The following LOXHD1 variants were observed in gnomAD, a reference collection of about 807,000 sequenced individuals.
LOXHD1 encodes lipoxygenase homology PLAT domains 1.
Under a neutral mutation model 248.2 loss-of-function variants are expected in LOXHD1, and 205 were observed. The observed-to-expected ratio is 0.83, with a 90% CI of 0.74 to 0.93. The LOEUF (loss-of-function observed/expected upper bound fraction) is 0.93, where lower values mean the gene tolerates loss of function less well. Ranked by LOEUF, LOXHD1 falls within the 40% of genes least tolerant of loss-of-function variation. The probability of loss-of-function intolerance (pLI) is 0.00; values close to 1 mark genes in which losing one functional copy is unlikely to be tolerated. For synonymous variants in LOXHD1, 1,113 were observed against 1,162.8 expected (o/e 0.96, Z 0.87); for missense variants, 2,930 against 2,971.6 (o/e 0.99, Z 0.33).
In LOXHD1 at chr18:46,477,692, C is replaced by T. The variant is rs1287819211; in HGVS notation, c.6602G>A (p.Gly2201Asp). Reference protein sequence around the residue: ...KQKMRNLFERGSTDRFFLETL... With the variant: ...KQKMRNLFERDSTDRFFLETL... ...CTCCAGGAAGAAGCGGTCTGTGCTG[C>T]CCCGCTCGAAGAGGTTGCGCATTTT... The change falls in exon 41 of 41, where the codon GGC becomes GAC. Residue 2201 changes from glycine (G) to aspartate (D), a missense_variant. Physicochemically the swap from Gly to Asp is moderately conservative, Grantham distance 94. Coordinates refer to ENST00000642948, the MANE Select transcript of LOXHD1 (RefSeq NM_001384474.1). The T allele has an allele frequency of 1.3e-6, 2 of 1,551,874 alleles. No individual in the cohort carries two copies. The highest frequency in any genetic ancestry group is 1.2e-5 in the South Asian group (1 of 84,062).
In LOXHD1 at chr18:46,642,006, G is replaced by A. The variant is rs373961375; in HGVS notation, c.276C>T (p.Val92=). The change falls in exon 3 of 41, where the codon GTC becomes GTT. Residue 92 remains valine, a synonymous_variant. Transcript: ENST00000642948. ...TGTTGGTTCTCACCCGGAACACATCGACGTTGCCCTTCTCAAAGGCAGACT... is the reference window on the plus strand; with the variant it reads ...TGTTGGTTCTCACCCGGAACACATCAACGTTGCCCTTCTCAAAGGCAGACT... ...KSKSAFEKGN[V]DVFRVRTNNV... The A allele has an allele frequency of 8.4e-6, 13 of 1,552,196 alleles. No individual in the cohort carries two copies. The highest frequency in any genetic ancestry group is 1.7e-4 in the Middle Eastern group (1 of 6,018).
intron 8 of LOXHD1, among the ~76,000 whole-genome samples, chr18:46,596,556 C>T (rs1048606024): frequency 6.6e-6 from 1 of 152,170 alleles, no homozygotes; most frequent in Non-Finnish European, 1.5e-5. Flanking sequence ...TGAAGGACTG[C>T]TCCTTTAGAC....
At chr18:46,584,213 A>G (rs1443730649) in intron 12 of LOXHD1, among the ~76,000 whole-genome samples, 1 of 152,146 alleles carries the variant, frequency 6.6e-6, no homozygotes, top group Non-Finnish European at 1.5e-5. Context: ...AAGAGTAGTT[A>G]CAAGAGACTG....
In LOXHD1 at chr18:46,609,900, G is replaced by C. The variant is rs148205237; in HGVS notation, c.759+876C>G. Among the ~76,000 whole-genome samples, 333 of 152,300 alleles carry C rather than the reference G, an allele frequency of 2.2e-3. 1 individual carries two copies. The highest frequency in any genetic ancestry group is 7.7e-3 in the African/African-American group (318 of 41,550). On this transcript the variant is annotated intron_variant, in intron 6 of 40. Coordinates refer to ENST00000642948, the MANE Select transcript of LOXHD1 (RefSeq NM_001384474.1). ...CAAGGCCAGATAGAGCCAGGGACAC[G>C]AGCTTTCTTTACAAACTTTGAATGG...
At position 46,618,249 on chromosome 18, in the gene LOXHD1, C is replaced by A. The variant is rs758513799; in HGVS notation, c.553G>T (p.Gly185Cys). 2.6e-6 allele frequency: 4 copies of A among 1,551,348 alleles called. No individual in the cohort carries two copies. Among genetic ancestry groups the A allele is most frequent in the Middle Eastern group, 1.7e-4 (1 of 6,014 alleles). ...EVKVYTGDVIGAGTDADVFIN... is the reference protein window; with the variant it reads ...EVKVYTGDVICAGTDADVFIN... ...AAGACATCAGCATCTGTCCCTGCACCAATTACATCACCAGTGTATACCTTG... is the reference window on the plus strand; with the variant it reads ...AAGACATCAGCATCTGTCCCTGCACAAATTACATCACCAGTGTATACCTTG... The change falls in exon 5 of 41, where the codon GGT becomes TGT. Residue 185 changes from glycine to cysteine, a missense_variant. Transcript: ENST00000642948.
rs2032754448 is a variant in LOXHD1 at position 46,483,472 on chromosome 18, T to C, written c.6341+115A>G. On this transcript the variant is annotated intron_variant, in intron 40 of 40. Transcript: ENST00000642948. ...CTTCTAGGCCTCCTGAACAGGGTAA[T>C]CTTGACCTTGAAGAAGAGACCTCAT... 6.2e-6 allele frequency: 8 copies of C among 1,296,386 alleles called. No homozygotes were observed. The South Asian group carries it at 1.0e-4, about 17-fold the overall frequency. 80.3% of individuals were successfully genotyped at this position (1,296,386 alleles called of 1,614,324 possible). A position where few individuals can be genotyped will look rare whatever the true frequency, so the allele number is the denominator to read the frequency against.
chr18:46,657,126 C>T lies in LOXHD1; in HGVS notation c.-93G>A, dbSNP rs1283310793. On this transcript the variant is annotated 5_prime_UTR_variant, in exon 1 of 41. Coordinates refer to ENST00000642948, the MANE Select transcript of LOXHD1 (RefSeq NM_001384474.1). ...GAGACCTCCTCCCTGAGCTCTGGCG[C>T]CCACGGCCCTCCTATAGCTCAGGCC... 1 of 1,541,684 alleles carries T rather than the reference C, an allele frequency of 6.5e-7. No individual in the cohort carries two copies.
intron 12 of LOXHD1, among the ~76,000 whole-genome samples, chr18:46,584,975 T>C (rs182502177): frequency 1.8e-4 from 27 of 152,216 alleles, no homozygotes; most frequent in Admixed American, 1.8e-3. Flanking sequence ...CATTATTATC[T>C]CAATAAATGT....
intron 40 of LOXHD1, 93 bp from the exon 41 acceptor site, chr18:46,478,045 T>A: frequency 6.9e-7 from 1 of 1,445,992 alleles, no homozygotes; most frequent in Non-Finnish European, 9.2e-7. Flanking sequence ...CATCTATAAA[T>A]GATCCCTTCC....
chr18:46,649,147 G>C lies in LOXHD1; in HGVS notation c.245+8C>G, dbSNP rs1287106510. ...CCAGGATCCCACCAAGGCCAAGTGG[G>C]TACTCACTTGCTGGTGAGCTGGAGC... On this transcript the variant is annotated splice_region_variant and intron_variant, in intron 2 of 40. Transcript: ENST00000642948. 1 of 1,549,768 alleles carries C rather than the reference G, an allele frequency of 6.5e-7. No homozygotes were observed. The highest frequency in any genetic ancestry group is 8.7e-7 in the Non-Finnish European group (1 of 1,145,244).
At position 46,626,839 on chromosome 18, in the gene LOXHD1, G is replaced by C. The variant is rs536820255; in HGVS notation, c.512-8549C>G. Among the ~76,000 whole-genome samples, 3 of 152,148 alleles carry C rather than the reference G, an allele frequency of 2.0e-5. No homozygotes were observed. The South Asian group carries it at 6.2e-4, about 31-fold the overall frequency. ...CTTCCTCAGTCTCCTTCATCTATTA[G>C]ATGGGGGTAACAATAAACCTCCCTT... is the stretch of plus-strand genomic sequence containing the variant. On this transcript the variant is annotated intron_variant, in intron 4 of 40. Coordinates refer to ENST00000642948, the MANE Select transcript of LOXHD1 (RefSeq NM_001384474.1).
At chr18:46,519,789 T>C (rs1227685607) in intron 33 of LOXHD1, among the ~76,000 whole-genome samples, 1 of 152,210 alleles carries the variant, frequency 6.6e-6, no homozygotes, top group Admixed American at 6.5e-5. Context: ...TTTTATGTAA[T>C]AAGTGTGCTT....
At chr18:46,501,686 C>A (rs886419554) in intron 37 of LOXHD1, among the ~76,000 whole-genome samples, 3 of 152,192 alleles carry the variant, frequency 2.0e-5, no homozygotes, top group African/African-American at 7.2e-5. Context: ...TAACCCTGTG[C>A]TTCCCTTAGG....
intron 13 of LOXHD1, 34 bp downstream of exon 13, chr18:46,579,596 A>G (rs2037923461): frequency 1.3e-6 from 2 of 1,551,546 alleles, no homozygotes; most frequent in Non-Finnish European, 1.7e-6. Context: ...AACTGGGAGG[A>G]AGGGGATGAG....
At chr18:46,541,999 G>T in intron 24 of LOXHD1, 59 bp from the exon 25 acceptor site, 1 of 1,471,626 alleles carries the variant, frequency 6.8e-7, no homozygotes, top group Non-Finnish European at 9.1e-7. Context: ...ATTTCCTGTG[G>T]GTAACTTCAG....
At chr18:46,501,208 G>A (rs1343614462) in intron 37 of LOXHD1, among the ~76,000 whole-genome samples, 1 of 152,210 alleles carries the variant, frequency 6.6e-6, no homozygotes, top group East Asian at 1.9e-4. Flanking sequence ...TAATACTCAT[G>A]TGGTCATTTG....
chr18:46,484,631 T>C (rs184056519), intron 39 of LOXHD1, among the ~76,000 whole-genome samples: 1 of 152,268 alleles, frequency 6.6e-6, no homozygotes, highest in East Asian at 1.9e-4. Flanking sequence ...AAGAGAAAGA[T>C]GTAGCAGAGT....
chr18:46,654,401 C>T (rs2039152930), intron 1 of LOXHD1, among the ~76,000 whole-genome samples: 1 of 152,158 alleles, frequency 6.6e-6, no homozygotes, highest in African/African-American at 2.4e-5. Context: ...GAGGAGATGC[C>T]TCCGGGGCTG....
At chr18:46,577,548 A>G (rs2037881381) in intron 14 of LOXHD1, among the ~76,000 whole-genome samples, 159 bp downstream of exon 14, 1 of 152,150 alleles carries the variant, frequency 6.6e-6, no homozygotes, top group African/African-American at 2.4e-5. Flanking sequence ...TGTGAGGCTC[A>G]GGTCTAAGCA....
Sources: gnomAD v4.1 joint callset for allele counts (sites outside exome capture counted in the v4.1 genomes callset) on GRCh38, gnomAD v4.1.1 for gene constraint, MANE v1.5 for transcripts, NCBI Gene and HGNC (gene_info 2026-07-23, HGNC 2026-07-21) for gene names.